Variants in USP28 observed in about 807,000 individuals in gnomAD.
USP28 encodes the protein ubiquitin carboxyl-terminal hydrolase 28.
In USP28, 113 loss-of-function variants were observed where a neutral mutation model predicts 145.0. The observed-to-expected ratio is 0.78, with a 90% CI of 0.67 to 0.91. The LOEUF (loss-of-function observed/expected upper bound fraction) is 0.91. USP28 is among the 40% of genes least tolerant of loss of function. The pLI is 0.00. For synonymous variants in USP28, 447 were observed against 450.9 expected, an observed-to-expected ratio of 0.99 and a Z score of 0.11; for missense variants, 1,201 against 1,289.6, an observed-to-expected ratio of 0.93 and a Z score of 1.05.
chr11:113,808,075 T>C, intron 18 of USP28: 1 of 1,407,666 alleles, frequency 7.1e-7, no homozygotes, highest in Non-Finnish European at 9.3e-7. Flanking sequence ...TGGGGGCTGT[T>C]CTGACTGCTC....
intron 17 of USP28, among the ~76,000 whole-genome samples, chr11:113,808,854 T>G (rs1940486784): frequency 6.6e-6 from 1 of 152,194 alleles, no homozygotes; most frequent in East Asian, 1.9e-4. Context: ...TCACAGGTAG[T>G]TAGTCTTTCT....
At chr11:113,810,001 C>T (rs1213325632) in intron 16 of USP28, among the ~76,000 whole-genome samples, 1 of 144,290 alleles carries the variant, frequency 6.9e-6, no homozygotes, top group Non-Finnish European at 1.5e-5. Flanking sequence ...CGCCACTGCG[C>T]TCCAGCCTGG....
intron 11 of USP28, among the ~76,000 whole-genome samples, chr11:113,826,475 A>G (rs1462499347): frequency 6.2e-5 from 9 of 146,284 alleles, no homozygotes; most frequent in Non-Finnish European, 1.1e-4. Flanking sequence ...ACACCCAGCT[A>G]ATTTTTTTTT....
chr11:113,839,696 C>A lies in USP28; in HGVS notation c.534+902G>T, dbSNP rs181889684. ...CTGAGGTCAGGAGTTCGAGACCAAC[C>A]TGGCCAACATGGCGAAACCCTGTCT... On this transcript the variant is annotated intron_variant, in intron 5 of 24. Coordinates refer to ENST00000003302, the Ensembl canonical transcript of USP28. Among the ~76,000 whole-genome samples, 628 of 152,272 alleles carry A rather than the reference C, an allele frequency of 4.1e-3. 4 individuals are homozygous for A. The highest frequency in any genetic ancestry group is 0.01 in the Middle Eastern group (3 of 294).
Position 113,803,254 on chromosome 11 carries a change from T to TACCA in USP28, c.2762_2765dup (p.Tyr923GlyfsTer44). 1 of 1,613,184 alleles carries TACCA rather than the reference T, an allele frequency of 6.2e-7. No homozygotes were observed. Among genetic ancestry groups the TACCA allele is most frequent in the Non-Finnish European group, 8.5e-7 (1 of 1,179,746 alleles). ...GGGCAGCATTGCTCTGGTAGGCATATACCAGGTAGGAAAGTGCCTCTTGGT... is the reference window on the plus strand; with the variant it reads ...GGGCAGCATTGCTCTGGTAGGCATATACCAACCAGGTAGGAAAGTGCCTCTTGGT... On this transcript the variant is annotated frameshift_variant, in exon 23 of 25. Transcript: ENST00000003302. LOFTEE classifies it high-confidence loss of function.
At chr11:113,799,470 A>T in intron 24 of USP28, 55 bp from the exon 26 acceptor site, 2 of 1,564,708 alleles carry the variant, frequency 1.3e-6, no homozygotes, top group Non-Finnish European at 1.7e-6. Flanking sequence ...TCTGAGTAAA[A>T]GTGAACAAGC....
chr11:113,870,240 GAGGGGGCC>G (rs966584948), intron 1 of USP28, among the ~76,000 whole-genome samples: 133 of 152,188 alleles, frequency 8.7e-4, no homozygotes, highest in Middle Eastern at 6.8e-3. Context: ...ATAAAAGTAT[GAGGGGGCC>G]AGGTGTGGTG....
chr11:113,855,328 G>T (rs1050741451), intron 1 of USP28, among the ~76,000 whole-genome samples: 1 of 151,892 alleles, frequency 6.6e-6, no homozygotes, highest in East Asian at 1.9e-4. Context: ...ACAAAACACC[G>T]ATTTGCAAGT....
chr11:113,868,904 T>G (rs1290967006), intron 1 of USP28, among the ~76,000 whole-genome samples: 1 of 144,678 alleles, frequency 6.9e-6, no homozygotes, highest in Non-Finnish European at 1.5e-5. Context: ...CCAGCCTAGG[T>G]GACAGAGTAA....
At chr11:113,846,430 G>GTA (rs1490039354) in intron 3 of USP28, among the ~76,000 whole-genome samples, 1 of 152,144 alleles carries the variant, frequency 6.6e-6, no homozygotes, top group Non-Finnish European at 1.5e-5. Flanking sequence ...GACAAATACT[G>GTA]TATAAGTCCA....
chr11:113,839,664 G>A (rs567602651), intron 5 of USP28, among the ~76,000 whole-genome samples: 2 of 152,040 alleles, frequency 1.3e-5, no homozygotes, highest in Admixed American at 6.6e-5. Context: ...TGAGGCGGGC[G>A]GAACACCTGA....
At chr11:113,875,168 G>A (rs1949248922) in intron 1 of USP28, among the ~76,000 whole-genome samples, 1 of 152,188 alleles carries the variant, frequency 6.6e-6, no homozygotes, top group African/African-American at 2.4e-5. Flanking sequence ...CTGCGGCGGA[G>A]AACCCCACGT....
rs753377615 is a variant in USP28, at chr11:113,852,637, T to C, written c.136-4A>G. Reference sequence around the variant, plus strand: ...GAGTAATGTCACCATTACTGGCCTATGGGAGAAAAAGACAATAGAAATTTC... The same window carrying C: ...GAGTAATGTCACCATTACTGGCCTACGGGAGAAAAAGACAATAGAAATTTC... On this transcript the variant is annotated splice_region_variant and splice_polypyrimidine_tract_variant and intron_variant, in intron 2 of 24. Coordinates refer to ENST00000003302, the Ensembl canonical transcript of USP28. The C allele has an allele frequency of 1.9e-6, 3 of 1,611,756 alleles. No individual in the cohort carries two copies. Among genetic ancestry groups the C allele is most frequent in the East Asian group, 4.5e-5 (2 of 44,864 alleles).
chr11:113,804,266 A>G (rs1939553165), intron 21 of USP28, among the ~76,000 whole-genome samples: 1 of 152,244 alleles, frequency 6.6e-6, no homozygotes, highest in Admixed American at 6.5e-5. Flanking sequence ...AGCAAGTTCA[A>G]GTTCAGTAAG....
intron 5 of USP28, among the ~76,000 whole-genome samples, chr11:113,839,646 TG>T (rs1944967663): frequency 6.6e-6 from 1 of 152,204 alleles, no homozygotes; most frequent in Admixed American, 6.5e-5. Context: ...CCCAGCACTT[TG>T]GGAGGCTGAG....
chr11:113,817,635 T>G, intron 13 of USP28, 23 bp downstream of exon 13: 1 of 1,370,106 alleles, frequency 7.3e-7, no homozygotes. Context: ...TACATACCAT[T>G]AAAAAAAAAA....
At chr11:113,806,542 C>T in exon 19 of USP28, 4 of 1,605,052 alleles carry the variant, frequency 2.5e-6, no homozygotes, top group Non-Finnish European at 3.4e-6. Context: ...CGGGCTTTAG[C>T]TATGGCCAGG....
At chr11:113,875,410 C>A in intron 1 of USP28, 35 bp downstream of exon 1, 2 of 1,230,588 alleles carry the variant, frequency 1.6e-6, no homozygotes, top group Non-Finnish European at 2.0e-6. Flanking sequence ...GCCTGGAGCC[C>A]GCCCCCAGCT....
chr11:113,837,481 C>T (rs763158289), intron 5 of USP28, among the ~76,000 whole-genome samples: 6 of 152,206 alleles, frequency 3.9e-5, no homozygotes, highest in Non-Finnish European at 7.3e-5. Context: ...GCAGATTACA[C>T]GTTCAGAAAA....
Sources: allele counts gnomAD v4.1 joint callset (sites outside exome capture counted in the v4.1 genomes callset), GRCh38; gene constraint gnomAD v4.1.1; transcripts MANE v1.5; gene names NCBI Gene and HGNC (gene_info 2026-07-23, HGNC 2026-07-21).